GNAL: variants seen among roughly 807,000 people sequenced by gnomAD.
GNAL encodes the protein G protein subunit alpha L.
GNAL carries 18 observed loss-of-function variants against 55.1 expected under a neutral mutation model. The ratio of observed to expected loss-of-function variants is 0.33; its 90% CI spans 0.23 to 0.48. GNAL has a LOEUF of 0.48. GNAL is among the 20% of genes least tolerant of loss of function. The pLI, the probability that GNAL is intolerant of heterozygous loss-of-function variation, is 0.99. For missense variants in GNAL, 412 were observed against 614.1 expected, an observed-to-expected ratio of 0.67 and a Z score of 3.48; for synonymous variants, 253 against 237.0, an observed-to-expected ratio of 1.07 and a Z score of -0.62.
chr18:11,720,730 C>T (rs890776726), intron 1 of GNAL, among the ~76,000 whole-genome samples: 8 of 152,128 alleles, frequency 5.3e-5, no homozygotes, highest in South Asian at 2.1e-4. Flanking sequence ...AAATTTCCTT[C>T]GTACTTTTGT....
intron 4 of GNAL, among the ~76,000 whole-genome samples, chr18:11,802,153 G>A (rs1325890373): frequency 6.6e-6 from 1 of 152,102 alleles, no homozygotes; most frequent in East Asian, 1.9e-4. Flanking sequence ...TTAGCAAAAA[G>A]CGATAAAATA....
intron 4 of GNAL, among the ~76,000 whole-genome samples, chr18:11,806,447 G>A (rs891621133): frequency 8.5e-5 from 13 of 152,108 alleles, no homozygotes; most frequent in Non-Finnish European, 1.5e-4. Context: ...TTTTCCCTAG[G>A]TTTCCTTTTA....
chr18:11,885,587 T>C lies in GNAL; in HGVS notation c.*4452T>C, dbSNP rs998558343. 17 of 1,478,938 alleles carry C rather than the reference T, an allele frequency of 1.1e-5. No individual in the cohort carries two copies. The highest frequency in any genetic ancestry group is 1.6e-5 in the Non-Finnish European group (17 of 1,084,142). 91.6% of individuals were successfully genotyped at this position (1,478,938 alleles called of 1,614,324 possible). A position where few individuals can be genotyped will look rare whatever the true frequency, so the allele number is the denominator to read the frequency against. On this transcript the variant is annotated 3_prime_UTR_variant, in exon 12 of 12. Transcript: ENST00000334049. ...AATTTGTGTGTGGCTTTTGTAAATT[T>C]TGACCGATTGCAGCAATTAAATAGT...
intron 1 of GNAL, among the ~76,000 whole-genome samples, chr18:11,691,137 T>C (rs2143274930): frequency 6.6e-6 from 1 of 151,952 alleles, no homozygotes; most frequent in African/African-American, 2.4e-5. Flanking sequence ...TTCTGACTTT[T>C]TAATGATTGC....
chr18:11,749,142 A>C (rs28532602), intron 1 of GNAL, among the ~76,000 whole-genome samples: 17,070 of 150,884 alleles, frequency 0.11, 1,640 homozygotes, highest in African/African-American at 0.24. Context: ...AAAAAAAAAA[A>C]AAAAAAAAAC....
intron 4 of GNAL, among the ~76,000 whole-genome samples, chr18:11,776,254 T>G (rs2033780386): frequency 6.6e-6 from 1 of 152,216 alleles, no homozygotes; most frequent in African/African-American, 2.4e-5. Flanking sequence ...CAAAATGTCT[T>G]TGTAGATAAC....
intron 4 of GNAL, among the ~76,000 whole-genome samples, chr18:11,781,197 T>A (rs2033916741): frequency 6.6e-6 from 1 of 152,220 alleles, no homozygotes; most frequent in East Asian, 1.9e-4. Flanking sequence ...CTTTTCAACA[T>A]GCATTATCTG....
intron 9 of GNAL, among the ~76,000 whole-genome samples, chr18:11,870,146 C>T (rs1039204353): frequency 3.3e-5 from 5 of 152,156 alleles, no homozygotes; most frequent in African/African-American, 7.2e-5. Flanking sequence ...GAGTCCTAGA[C>T]CAATCCCCCA....
At chr18:11,845,810 G>A (rs925292860) in intron 5 of GNAL, among the ~76,000 whole-genome samples, 3 of 147,418 alleles carry the variant, frequency 2.0e-5, no homozygotes, top group Admixed American at 6.7e-5. Context: ...AGGGAGAGGG[G>A]GAGAGAGACA....
At chr18:11,773,519 A>C (rs2033693903) in intron 4 of GNAL, among the ~76,000 whole-genome samples, 1 of 152,162 alleles carries the variant, frequency 6.6e-6, no homozygotes. Context: ...TAATCCCAGC[A>C]CTTGGGGAGT....
In GNAL at chr18:11,689,689, G is replaced by C; in HGVS notation, c.126G>C (p.Arg42=). ...CGGCCCCGGCCCTGGCCCCAGTCCG[G>C]GCGGCCGCAAGGGACACGGCCCGGA... ...PAPAPALAPV[R]AAARDTARTL... is the part of the protein sequence containing the mutation. The change falls in exon 1 of 12, where the codon CGG becomes CGC. Residue 42 remains arginine, a synonymous_variant. Coordinates refer to ENST00000334049, the MANE Select transcript of GNAL (RefSeq NM_182978.4). 1 of 1,466,210 alleles carries C rather than the reference G, an allele frequency of 6.8e-7. No individual in the cohort carries two copies. Among genetic ancestry groups the C allele is most frequent in the Non-Finnish European group, 9.0e-7 (1 of 1,114,350 alleles). 90.8% of individuals were successfully genotyped at this position (1,466,210 alleles called of 1,614,324 possible).
rs1337988164 is a variant in GNAL at position 11,768,998 on chromosome 18, T to C, written c.624+15053T>C. ...ATATATTATATATTCTATATTATAA[T>C]ATAGAATATATATATTCTATATTAT... On this transcript the variant is annotated intron_variant, in intron 4 of 11. Coordinates refer to ENST00000334049, the MANE Select transcript of GNAL (RefSeq NM_182978.4). Among the ~76,000 whole-genome samples the C allele has an allele frequency of 2.9e-5, 3 of 103,792 alleles. 1 individual carries two copies. Among genetic ancestry groups the C allele is most frequent in the African/African-American group, 1.1e-4 (2 of 17,444 alleles). 68.1% of individuals were successfully genotyped at this position (103,792 alleles called of 152,430 possible).
chr18:11,707,608 A>G (rs1434256238), intron 1 of GNAL, among the ~76,000 whole-genome samples: 1 of 152,178 alleles, frequency 6.6e-6, no homozygotes, highest in Non-Finnish European at 1.5e-5. Context: ...ATTTCAACTT[A>G]AAGTTACCAG....
At chr18:11,862,560 C>G in intron 6 of GNAL, 111 bp downstream of exon 6, 1 of 933,364 alleles carries the variant, frequency 1.1e-6, no homozygotes, top group Non-Finnish European at 1.7e-6. Flanking sequence ...AAGATACCTA[C>G]TTTTTGCAAA....
intron 1 of GNAL, chr18:11,747,569 T>C (rs946124145): frequency 6.9e-6 from 1 of 144,454 alleles, no homozygotes; most frequent in Non-Finnish European, 1.5e-5. Flanking sequence ...AGGTGCTCTC[T>C]GAGCCAAAGA....
chr18:11,877,175 C>T (rs1202734343), intron 11 of GNAL, among the ~76,000 whole-genome samples: 1 of 152,172 alleles, frequency 6.6e-6, no homozygotes, highest in Non-Finnish European at 1.5e-5. Context: ...ATACTCAGGC[C>T]GGGTGCGGTG....
rs767973345 is a variant in GNAL at position 11,885,011 on chromosome 18, C to CTGCCCCTG, written c.*3883_*3884insGTGCCCCT. 226 of 1,299,468 alleles carry CTGCCCCTG rather than the reference C, an allele frequency of 1.7e-4. No individual in the cohort carries two copies. Among genetic ancestry groups the CTGCCCCTG allele is most frequent in the Non-Finnish European group, 5.6e-5 (56 of 995,836 alleles). 80.5% of individuals were successfully genotyped at this position (1,299,468 alleles called of 1,614,324 possible). ...GGAACAAGGAGGGAAAGGTGTCTTC[C>CTGCCCCTG]TGCCCCTTGATGCTCAACTAAGCAT... On this transcript the variant is annotated 3_prime_UTR_variant, in exon 12 of 12. Transcript: ENST00000334049.
rs971537471 is a variant in GNAL, at chr18:11,883,382, T to C, written c.*2247T>C. 2.6e-5 allele frequency: 4 copies of C among 153,288 alleles called. No homozygotes were observed. The highest frequency in any genetic ancestry group is 4.4e-5 in the Non-Finnish European group (3 of 68,032). The allele number at this position is 153,288 out of a possible 1,614,324, so 9.5% of individuals were successfully genotyped here. A position where few individuals can be genotyped will look rare whatever the true frequency, so the allele number is the denominator to read the frequency against. On this transcript the variant is annotated 3_prime_UTR_variant, in exon 12 of 12. Coordinates refer to ENST00000334049, the MANE Select transcript of GNAL (RefSeq NM_182978.4). The stretch of plus-strand genomic sequence containing the variant: ...AGTATGCTGTTGTATGCATCATTAC[T>C]CAACAATTACCCTCTAACTAAACAT...
chr18:11,762,743 T>G (rs1358041967), intron 4 of GNAL, among the ~76,000 whole-genome samples: 1 of 152,002 alleles, frequency 6.6e-6, no homozygotes. Flanking sequence ...TTTGGGGGAG[T>G]GACAAAAATG....
Sources: allele counts gnomAD v4.1 joint callset (sites outside exome capture counted in the v4.1 genomes callset), GRCh38; gene constraint gnomAD v4.1.1; transcripts MANE v1.5; gene names NCBI Gene and HGNC (gene_info 2026-07-23, HGNC 2026-07-21).